The following SPDYE5 variants were observed in gnomAD, a reference collection of about 807,000 sequenced individuals.
SPDYE5 encodes speedy/RINGO cell cycle regulator family member E5, also known as speedy protein E5.
Under a neutral mutation model 48.5 loss-of-function variants are expected in SPDYE5, and 15 were observed. That is an observed-to-expected ratio of 0.31 (90% CI 0.21 to 0.48). The LOEUF (loss-of-function observed/expected upper bound fraction) is 0.48, where lower values mean the gene tolerates loss of function less well. SPDYE5 is among the 20% of genes least tolerant of loss of function. The probability of loss-of-function intolerance (pLI) is 0.99; values close to 1 mark genes in which losing one functional copy is unlikely to be tolerated. For missense variants in SPDYE5, 331 were observed against 549.1 expected, an observed-to-expected ratio of 0.60 and a Z score of 3.97; for synonymous variants, 116 against 200.7, an observed-to-expected ratio of 0.58 and a Z score of 3.57.
Position 75,495,218 on chromosome 7 carries a change from T to A in SPDYE5, c.223T>A (p.Ser75Thr). ...TGGCTGGAAAAGGAAGAGGGAGTGG[T>A]CAGATGAATCTGCGGAGGAGCCGGA... Reference protein sequence around the residue: ...SLGWKRKREWSDESAEEPEKE... With the variant: ...SLGWKRKREWTDESAEEPEKE... Residue 75 changes from serine (S) to threonine (T), a missense_variant, in exon 3 of 9, where the codon TCA becomes ACA. Ser to Thr is a moderately conservative substitution (Grantham distance 58, BLOSUM62 1). Transcript: ENST00000625065. 6.3e-7 allele frequency: 1 copy of A among 1,597,414 alleles called. No homozygotes were observed. Among genetic ancestry groups the A allele is most frequent in the South Asian group, 1.1e-5 (1 of 90,990 alleles).
At chr7:75,492,005 G>C (rs368488242), upstream of SPDYE5, among the ~76,000 whole-genome samples, 35 of 152,002 alleles carry the variant, frequency 2.3e-4, no homozygotes, top group East Asian at 5.3e-3. Context: ...ATGAGCCACC[G>C]CGCCTGGTTT....
rs587602217 is a variant in SPDYE5 at position 75,496,150 on chromosome 7, G to C, written c.380-524G>C. Among the ~76,000 whole-genome samples the C allele has an allele frequency of 9.0e-3, 1,353 of 150,882 alleles. 4 individuals carry two copies. The highest frequency in any genetic ancestry group is 0.024 in the Middle Eastern group (7 of 294). ...CACCTGTAATCCCAGCACTTTGGGA[G>C]GCCAGGCAGGCAGATCACTTGAGGC... On this transcript the variant is annotated intron_variant, in intron 3 of 8. Coordinates refer to ENST00000625065, the MANE Select transcript of SPDYE5 (RefSeq NM_001306141.4).
chr7:75,501,230 C>T (rs1584742770), intron 6 of SPDYE5, 132 bp from the exon 7 acceptor site: 30 of 1,387,392 alleles, frequency 2.2e-5, no homozygotes, highest in African/African-American at 1.0e-4. Flanking sequence ...CTGAGGAAGG[C>T]GTGGCTCTCT....
chr7:75,495,226 A>C lies in SPDYE5; in HGVS notation c.231A>C (p.Glu77Asp). The change falls in exon 3 of 9, where the codon GAA (glutamate) becomes GAC (aspartate). Residue 77 changes from glutamate to aspartate, a missense_variant. Coordinates refer to ENST00000625065, the MANE Select transcript of SPDYE5 (RefSeq NM_001306141.4). ...AAAGGAAGAGGGAGTGGTCAGATGA[A>C]TCTGCGGAGGAGCCGGAGAAGGAGC... The part of the protein sequence containing the change: ...GWKRKREWSD[E>D]SAEEPEKELA... The C allele has an allele frequency of 1.9e-6, 3 of 1,597,412 alleles. No individual in the cohort carries two copies. The highest frequency in any genetic ancestry group is 2.5e-6 in the Non-Finnish European group (3 of 1,179,820).
At chr7:75,500,125 G>A (rs1456805937) in intron 6 of SPDYE5, among the ~76,000 whole-genome samples, 1 of 124,068 alleles carries the variant, frequency 8.1e-6, no homozygotes, top group Non-Finnish European at 1.7e-5. Flanking sequence ...TCCAAAGCAC[G>A]ACAACCTCAC....
rs1441738801 is a variant in SPDYE5, at chr7:75,497,326, G to A, written c.610+422G>A. The stretch of plus-strand genomic sequence containing the variant: ...CTCATGCATGTAATCCCAGCTACTC[G>A]GGAGGCTGAGACAGGAGAATCGCTT... On this transcript the variant is annotated intron_variant, in intron 4 of 8. Coordinates refer to ENST00000625065, the MANE Select transcript of SPDYE5 (RefSeq NM_001306141.4). 7.3e-5 allele frequency among the ~76,000 whole-genome samples: 11 copies of A among 151,536 alleles called. 1 individual carries two copies. In the East Asian group the frequency reaches 1.4e-3, roughly 19 times the overall value.
At chr7:75,502,495 G>A (rs1462063182) in intron 8 of SPDYE5, among the ~76,000 whole-genome samples, 1 of 152,162 alleles carries the variant, frequency 6.6e-6, no homozygotes, top group African/African-American at 2.4e-5. Flanking sequence ...TTACAAGTCT[G>A]GATCTTAAGA....
intron 1 of SPDYE5, among the ~76,000 whole-genome samples, chr7:75,492,795 T>A (rs1478207153): frequency 2.0e-5 from 3 of 148,502 alleles, no homozygotes; most frequent in Non-Finnish European, 4.4e-5. Flanking sequence ...TTTTATTTTT[T>A]ATCAAAAAAA....
chr7:75,501,559 G>A lies in SPDYE5; in HGVS notation c.953G>A (p.Arg318His), dbSNP rs782266846. The change falls in exon 7 of 9, where the codon CGT becomes CAT. Residue 318 changes from arginine (R) to histidine (H), a missense_variant. Coordinates refer to ENST00000625065, the MANE Select transcript of SPDYE5 (RefSeq NM_001306141.4). ...CGTAAGCGTCGGTTCCAGTTAGGCC[G>A]TTCCATGAACCCGAGGGCCAGGAAG... ...LLRKRRFQLG[R>H]SMNPRARKNR... 1.1e-5 allele frequency: 18 copies of A among 1,603,994 alleles called. No individual in the cohort carries two copies. In the South Asian group the frequency reaches 1.6e-4, roughly 14 times the overall value.
At position 75,501,392 on chromosome 7, in the gene SPDYE5, C is replaced by G. The variant is rs782172963; in HGVS notation, c.786C>G (p.Asp262Glu). Reference protein sequence around the residue: ...LYLANDMEEDDEDSKQNIFHF... With the variant: ...LYLANDMEEDEEDSKQNIFHF... Reference sequence around the variant, plus strand: ...TGGCCAATGACATGGAGGAGGACGACGAGGACTCCAAACAAAACATCTTCC... The same window carrying G: ...TGGCCAATGACATGGAGGAGGACGAGGAGGACTCCAAACAAAACATCTTCC... Residue 262 changes from aspartate (D) to glutamate (E), a missense_variant, in exon 7 of 9, where the codon GAC becomes GAG. By Grantham distance (45) the Asp-to-Glu change is conservative. Transcript: ENST00000625065. 6.2e-7 allele frequency: 1 copy of G among 1,612,292 alleles called. No individual in the cohort carries two copies. The highest frequency in any genetic ancestry group is 1.3e-5 in the African/African-American group (1 of 74,864).
At chr7:75,498,923 A>G (rs1793042019) in intron 5 of SPDYE5, among the ~76,000 whole-genome samples, 1 of 151,468 alleles carries the variant, frequency 6.6e-6, no homozygotes, top group Non-Finnish European at 1.5e-5. Flanking sequence ...GCTCTTCAGG[A>G]CAGTTCTCTG....
chr7:75,491,730 T>G (rs1429446240), upstream of SPDYE5, among the ~76,000 whole-genome samples: 2 of 91,266 alleles, frequency 2.2e-5, no homozygotes, highest in African/African-American at 3.3e-5. Flanking sequence ...TTTTTTTTTT[T>G]GCGATGGTGT....
At chr7:75,492,182 C>CA (rs1442349602), upstream of SPDYE5, among the ~76,000 whole-genome samples, 1 of 152,030 alleles carries the variant, frequency 6.6e-6, no homozygotes, top group Non-Finnish European at 1.5e-5. Flanking sequence ...GGGGTCAGAA[C>CA]ATTGATCTTC....
chr7:75,491,842 A>G (rs1391026086), upstream of SPDYE5, among the ~76,000 whole-genome samples: 5 of 150,126 alleles, frequency 3.3e-5, no homozygotes, highest in Non-Finnish European at 7.4e-5. Context: ...CCTCCTAAGT[A>G]GCTGGGATTA....
At position 75,501,534 on chromosome 7, in the gene SPDYE5, C is replaced by G. The variant is rs587734911; in HGVS notation, c.928C>G (p.Arg310Gly). Reference sequence around the variant, plus strand: ...GAAGCGCTCTCGCATACCCTTGCTCCGTAAGCGTCGGTTCCAGTTAGGCCG... The same window carrying G: ...GAAGCGCTCTCGCATACCCTTGCTCGGTAAGCGTCGGTTCCAGTTAGGCCG... ...RKKRSRIPLL[R>G]KRRFQLGRSM... The change falls in exon 7 of 9, where the codon CGT becomes GGT. Residue 310 changes from arginine to glycine, a missense_variant. Arg to Gly is a moderately radical substitution (Grantham distance 125). Transcript: ENST00000625065. 4.1e-5 allele frequency: 62 copies of G among 1,513,148 alleles called. No homozygotes were observed. The highest frequency in any genetic ancestry group is 5.5e-5 in the Non-Finnish European group (62 of 1,124,770). The allele number at this position is 1,513,148 out of a possible 1,614,324, so 93.7% of individuals were successfully genotyped here. A position where few individuals can be genotyped will look rare whatever the true frequency, so the allele number is the denominator to read the frequency against.
At chr7:75,499,738 G>C (rs782170971) in intron 6 of SPDYE5, among the ~76,000 whole-genome samples, 4 of 124,336 alleles carry the variant, frequency 3.2e-5, no homozygotes, top group Non-Finnish European at 6.3e-5. Context: ...CCGCACTCCA[G>C]CCTGGGTGAC....
Position 75,501,733 on chromosome 7 carries a change from T to A in SPDYE5, c.1127T>A (p.Val376Asp). 6.2e-7 allele frequency: 1 copy of A among 1,610,060 alleles called. No individual in the cohort carries two copies. The highest frequency in any genetic ancestry group is 8.5e-7 in the Non-Finnish European group (1 of 1,179,864). ...FFCSMSGRAW[V>D]SPEELEEIQA... ...TGTTCCATGAGCGGCAGGGCTTGGG[T>A]TTCCCCGGAGGAGTTGGAGGAGGTA... The change falls in exon 7 of 9, where the codon GTT (valine) becomes GAT (aspartate). Residue 376 changes from valine to aspartate, a missense_variant. By Grantham distance (152) the Val-to-Asp change is radical. Around this residue, in one of 8 missense-constraint regions of SPDYE5, gnomAD observed 101 missense variants for 104.0 expected, o/e 0.97. Transcript: ENST00000625065.
upstream of SPDYE5, among the ~76,000 whole-genome samples, chr7:75,492,033 A>G (rs2116586825): frequency 6.6e-6 from 1 of 152,166 alleles, no homozygotes; most frequent in South Asian, 2.1e-4. Context: ...TTTTGACAAC[A>G]TATCAACATC....
chr7:75,497,983 G>C lies in SPDYE5; in HGVS notation c.656G>C (p.Arg219Thr). 6.3e-7 allele frequency: 1 copy of C among 1,596,582 alleles called. No homozygotes were observed. The change falls in exon 5 of 9, where the codon AGG (arginine) becomes ACG (threonine). Residue 219 changes from arginine (R) to threonine (T), a missense_variant. Coordinates refer to ENST00000625065, the MANE Select transcript of SPDYE5 (RefSeq NM_001306141.4). The stretch of plus-strand genomic sequence containing the variant: ...TTCCTGGCCTGGGACAAAGATCTGA[G>C]GGTGTCGGACAAGGTAAGGTTGTTC... ...KRFLAWDKDL[R>T]VSDKYLLAMV...
Sources: allele counts gnomAD v4.1 joint callset (sites outside exome capture counted in the v4.1 genomes callset), GRCh38; gene constraint gnomAD v4.1.1; regional missense constraint gnomAD v4.1.1; transcripts MANE v1.5; gene names NCBI Gene and HGNC (gene_info 2026-07-23, HGNC 2026-07-21).